The following ADAMTS20 variants were observed in gnomAD, a reference collection of about 807,000 sequenced individuals.
ADAMTS20 encodes A disintegrin and metalloproteinase with thrombospondin motifs 20.
Under a neutral mutation model 260.1 loss-of-function variants are expected in ADAMTS20, and 225 were observed. The ratio of observed to expected loss-of-function variants is 0.87; its 90% CI spans 0.78 to 0.97. ADAMTS20 has a LOEUF of 0.97. Among genes scored for constraint, ADAMTS20 ranks in the 50% least tolerant of loss-of-function variants. The pLI is 0.00. For synonymous variants in ADAMTS20, 802 were observed against 769.5 expected (o/e 1.04, Z -0.70); for missense variants, 2,400 against 2,337.7 (o/e 1.03, Z -0.55).
At chr12:43,494,517 G>C (rs79022160) in intron 4 of ADAMTS20, among the ~76,000 whole-genome samples, 3,661 of 152,276 alleles carry the variant, frequency 0.024, 68 homozygotes, top group East Asian at 0.079. Flanking sequence ...CTTTACTACT[G>C]TTATAGCTGT....
At chr12:43,428,076 C>T (rs1272911421) in intron 26 of ADAMTS20, among the ~76,000 whole-genome samples, 165 bp downstream of exon 26, 2 of 152,114 alleles carry the variant, frequency 1.3e-5, no homozygotes, top group African/African-American at 2.4e-5. Flanking sequence ...AGAACTCTAG[C>T]ATTTGTAATG....
At chr12:43,495,946 G>C (rs915766273) in intron 4 of ADAMTS20, among the ~76,000 whole-genome samples, 12 of 151,990 alleles carry the variant, frequency 7.9e-5, no homozygotes, top group African/African-American at 2.9e-4. Flanking sequence ...ACTATATTTA[G>C]ATGTTTAAAG....
At position 43,405,229 on chromosome 12, in the gene ADAMTS20, C is replaced by CCAAAAAAAAAAA. The variant is rs1410899520; in HGVS notation, c.4285-5997_4285-5996insTTTTTTTTTTTG. On this transcript the variant is annotated intron_variant, in intron 28 of 38. Transcript: ENST00000389420. ...GTAACAAAATGAGACCTCATCTCTA[C>CCAAAAAAAAAAA]AAAAAAAAAAAAAAAAAAAAAAAAA... Among the ~76,000 whole-genome samples, 95 of 52,778 alleles carry CCAAAAAAAAAAA rather than the reference C, an allele frequency of 1.8e-3. 22 individuals are homozygous for CCAAAAAAAAAAA. The highest frequency in any genetic ancestry group is 9.4e-3 in the East Asian group (19 of 2,022). 34.6% of individuals were successfully genotyped at this position (52,778 alleles called of 152,430 possible). A position where few individuals can be genotyped will look rare whatever the true frequency, so the allele number is the denominator to read the frequency against.
At chr12:43,365,595 A>C (rs987108292) in intron 37 of ADAMTS20, among the ~76,000 whole-genome samples, 6 of 151,962 alleles carry the variant, frequency 3.9e-5, no homozygotes, top group African/African-American at 1.4e-4. Flanking sequence ...ATACTAAATG[A>C]GAAGGTTTAC....
chr12:43,421,268 C>A, intron 28 of ADAMTS20, among the ~76,000 whole-genome samples: 4 of 82,670 alleles, frequency 4.8e-5, no homozygotes, highest in African/African-American at 1.0e-4. Context: ...GTTCAAGTAG[C>A]AAGCTTTCAT....
At chr12:43,357,275 A>G (rs1939766503) in intron 37 of ADAMTS20, among the ~76,000 whole-genome samples, 1 of 152,254 alleles carries the variant, frequency 6.6e-6, no homozygotes, top group African/African-American at 2.4e-5. Context: ...AAACAAGTTC[A>G]GTCTACTGAC....
Position 43,493,215 on chromosome 12 carries a change from C to G in ADAMTS20, c.906G>C (p.Leu302Phe). 6.4e-7 allele frequency: 1 copy of G among 1,561,442 alleles called. No individual in the cohort carries two copies. The highest frequency in any genetic ancestry group is 1.9e-5 in the Admixed American group (1 of 51,894). Residue 302 changes from leucine (L) to phenylalanine (F), a missense_variant, in exon 5 of 39, where the codon TTG becomes TTC. By Grantham distance (22) the Leu-to-Phe change is conservative. Transcript: ENST00000389420. ...CTAATTTTACCACTACTATGTGTAT[C>G]AAATTTCCAATACTTGGATCTTTGT... ...TIYKDPSIGNLIHIVVVKLVM... is the reference protein window; with the variant it reads ...TIYKDPSIGNFIHIVVVKLVM...
chr12:43,434,295 CA>C lies in ADAMTS20; in HGVS notation c.2669del (p.Leu890CysfsTer17). ...SVVSDKECDH[L>X]PLPSFVTQSC... Reference sequence around the variant, plus strand: ...TTTGAGTAACAAATGATGGAAGTGGCAAGTGGTCACATTCTTTATCAGACAC... The same window carrying C: ...TTTGAGTAACAAATGATGGAAGTGGCAGTGGTCACATTCTTTATCAGACAC... On this transcript the variant is annotated frameshift_variant, in exon 19 of 39. Coordinates refer to ENST00000389420, the MANE Select transcript of ADAMTS20 (RefSeq NM_025003.5). LOFTEE classifies it high-confidence loss of function. 1.3e-6 allele frequency: 2 copies of C among 1,591,912 alleles called. No homozygotes were observed. Among genetic ancestry groups the C allele is most frequent in the Non-Finnish European group, 1.7e-6 (2 of 1,167,654 alleles).
At chr12:43,519,434 A>C (rs149777350) in intron 3 of ADAMTS20, among the ~76,000 whole-genome samples, 1 of 152,216 alleles carries the variant, frequency 6.6e-6, no homozygotes, top group Non-Finnish European at 1.5e-5. Flanking sequence ...GAAGGTATTC[A>C]GTAAATATTT....
At chr12:43,477,962 A>G (rs1325885030) in intron 7 of ADAMTS20, among the ~76,000 whole-genome samples, 1 of 152,152 alleles carries the variant, frequency 6.6e-6, no homozygotes, top group Non-Finnish European at 1.5e-5. Flanking sequence ...CAATTTTTCA[A>G]CCCCATGGCT....
At chr12:43,522,233 A>C (rs765230139) in intron 3 of ADAMTS20, among the ~76,000 whole-genome samples, 2 of 152,102 alleles carry the variant, frequency 1.3e-5, no homozygotes, top group Admixed American at 1.3e-4. Context: ...GCAAACAGGA[A>C]ATGCCAGACA....
In ADAMTS20 at chr12:43,452,388, T is replaced by C. The variant is rs757024354; in HGVS notation, c.1965A>G (p.Lys655=). The C allele has an allele frequency of 1.2e-6, 2 of 1,612,138 alleles. No individual in the cohort carries two copies. The highest frequency in any genetic ancestry group is 2.2e-5 in the South Asian group (2 of 90,618). ...TGGTTCCAGCAACCTGACAATAGAG[T>C]TTACAACGATCCTTTGTGCCAACTG... The part of the protein sequence containing the change: ...YSGIGTKDRC[K]LYCQVAGTNY... The change falls in exon 14 of 39, where the codon AAA becomes AAG. Residue 655 remains lysine, a synonymous_variant. Transcript: ENST00000389420.
At chr12:43,447,110 G>A (rs1941776607) in intron 14 of ADAMTS20, among the ~76,000 whole-genome samples, 1 of 151,538 alleles carries the variant, frequency 6.6e-6, no homozygotes, top group Admixed American at 6.6e-5. Context: ...AAAAATTGAG[G>A]AGGAGGGACT....
intron 18 of ADAMTS20, among the ~76,000 whole-genome samples, chr12:43,435,706 A>C (rs1393777507): frequency 1.3e-5 from 2 of 151,548 alleles, no homozygotes; most frequent in African/African-American, 4.8e-5. Flanking sequence ...TAAAAAAAAA[A>C]AACATGGATA....
At chr12:43,454,787 C>T (rs924841285) in intron 11 of ADAMTS20, among the ~76,000 whole-genome samples, 2 of 152,118 alleles carry the variant, frequency 1.3e-5, no homozygotes, top group Admixed American at 1.3e-4. Context: ...GACTGAGAGA[C>T]AATAACACAA....
chr12:43,484,101 C>A lies in ADAMTS20; in HGVS notation c.1117+6294G>T, dbSNP rs555712364. ...GTCCACCACTGAAAGCAGCCAGAAC[C>A]AAAGCTAGGTGACAATAAACTATAA... On this transcript the variant is annotated intron_variant, in intron 7 of 38. Coordinates refer to ENST00000389420, the MANE Select transcript of ADAMTS20 (RefSeq NM_025003.5). Among the ~76,000 whole-genome samples, 3 of 152,124 alleles carry A rather than the reference C, an allele frequency of 2.0e-5. No individual in the cohort carries two copies. The East Asian group carries it at 5.8e-4, about 29-fold the overall frequency.
chr12:43,550,933 G>C lies in ADAMTS20; in HGVS notation c.429C>G (p.Ala143=), dbSNP rs750645106. ...GQVNSQEDYK[A]VVSLCGGLTG... ...CCAGGCCTCCGCATAAGCTGACGAC[G>C]GCCTTGTAATCCTCCTGTGAGTTGA... The change falls in exon 2 of 39, where the codon GCC becomes GCG. Residue 143 remains alanine, a synonymous_variant. Transcript: ENST00000389420. The C allele has an allele frequency of 9.5e-6, 15 of 1,576,604 alleles. No homozygotes were observed. The highest frequency in any genetic ancestry group is 1.3e-5 in the Non-Finnish European group (15 of 1,157,630).
intron 3 of ADAMTS20, among the ~76,000 whole-genome samples, chr12:43,530,322 G>A (rs1437602284): frequency 1.3e-5 from 2 of 152,122 alleles, no homozygotes; most frequent in Non-Finnish European, 2.9e-5. Context: ...AGCTGCTCTT[G>A]AATAGTAGAT....
chr12:43,412,527 T>A (rs925253524), intron 28 of ADAMTS20, among the ~76,000 whole-genome samples: 2 of 152,202 alleles, frequency 1.3e-5, no homozygotes, highest in African/African-American at 4.8e-5. Context: ...ACGGGTATCC[T>A]GTAGATCAGC....
Sources: allele counts gnomAD v4.1 joint callset (sites outside exome capture counted in the v4.1 genomes callset), GRCh38; gene constraint gnomAD v4.1.1; transcripts MANE v1.5; gene names NCBI Gene and HGNC (gene_info 2026-07-23, HGNC 2026-07-21).